The following ITPR2 variants were observed in gnomAD, a reference collection of about 807,000 sequenced individuals.
ITPR2 encodes the protein inositol 1,4,5-trisphosphate receptor type 2, also known as inositol 1,4,5-trisphosphate-gated calcium channel ITPR2.
A neutral mutation model predicts 317.1 loss-of-function variants in ITPR2; 207 were observed. The observed-to-expected ratio is 0.65, with a 90% CI of 0.58 to 0.73. The LOEUF (loss-of-function observed/expected upper bound fraction) is 0.73. Among genes scored for constraint, ITPR2 ranks in the 30% least tolerant of loss-of-function variants. ITPR2 has a pLI of 0.00. For missense variants in ITPR2, 2,613 were observed against 3,284.0 expected (o/e 0.80, Z 4.99); for synonymous variants, 1,156 against 1,149.1 (o/e 1.01, Z -0.12).
At chr12:26,758,778 G>A (rs1024112569) in intron 2 of ITPR2, among the ~76,000 whole-genome samples, 1 of 152,206 alleles carries the variant, frequency 6.6e-6, no homozygotes, top group African/African-American at 2.4e-5. Context: ...TATATGGATG[G>A]CAGAAGAATT....
At chr12:26,584,220 T>C (rs1254451593) in intron 32 of ITPR2, among the ~76,000 whole-genome samples, 1 of 152,140 alleles carries the variant, frequency 6.6e-6, no homozygotes, top group East Asian at 1.9e-4. Flanking sequence ...TCCTGTTTAT[T>C]TAAACAGCTT....
intron 1 of ITPR2, among the ~76,000 whole-genome samples, chr12:26,815,303 G>A (rs1950832426): frequency 1.3e-5 from 2 of 152,134 alleles, no homozygotes; most frequent in South Asian, 4.1e-4. Context: ...CTGCACTCTA[G>A]CCTGGGTGAC....
intron 37 of ITPR2, among the ~76,000 whole-genome samples, chr12:26,499,640 T>C (rs1416580930): frequency 5.3e-5 from 8 of 152,230 alleles, no homozygotes; most frequent in Non-Finnish European, 7.3e-5. Flanking sequence ...CTAGTATTAA[T>C]ATTATCCAGA....
intron 37 of ITPR2, among the ~76,000 whole-genome samples, chr12:26,496,804 C>T (rs1225909367): frequency 6.6e-6 from 1 of 151,682 alleles, no homozygotes; most frequent in South Asian, 2.1e-4. Context: ...ATTAGCCAGG[C>T]GTGGTGGTGG....
At chr12:26,830,026 C>T (rs1308540729) in intron 1 of ITPR2, among the ~76,000 whole-genome samples, 1 of 152,228 alleles carries the variant, frequency 6.6e-6, no homozygotes, top group Non-Finnish European at 1.5e-5. Context: ...GCCTCAGCCT[C>T]CCGAGTAGCT....
chr12:26,611,121 C>T (rs1310418826), intron 26 of ITPR2, among the ~76,000 whole-genome samples: 3 of 152,198 alleles, frequency 2.0e-5, no homozygotes, highest in African/African-American at 4.8e-5. Context: ...AGGAATCTTT[C>T]GAACACTAGC....
At chr12:26,396,581 C>G (rs2136643925) in intron 54 of ITPR2, among the ~76,000 whole-genome samples, 1 of 152,250 alleles carries the variant, frequency 6.6e-6, no homozygotes, top group African/African-American at 2.4e-5. Flanking sequence ...AAAGCTGGGG[C>G]TTTCCACTTG....
In ITPR2 at chr12:26,398,864, C is replaced by CCGAA. The variant is rs1328285820; in HGVS notation, c.7696+8_7696+11dup. On this transcript the variant is annotated intron_variant, in intron 54 of 56. Transcript: ENST00000381340. The stretch of plus-strand genomic sequence containing the variant: ...TATTCATCTATTATTTTAGCATCTG[C>CCGAA]CGAACACTTACCACAGATGAAACAA... The CCGAA allele has an allele frequency of 1.9e-6, 3 of 1,603,512 alleles. No individual in the cohort carries two copies. The highest frequency in any genetic ancestry group is 2.6e-6 in the Non-Finnish European group (3 of 1,176,188).
chr12:26,721,507 G>A (rs1948839788), intron 5 of ITPR2, among the ~76,000 whole-genome samples: 1 of 152,124 alleles, frequency 6.6e-6, no homozygotes, highest in Non-Finnish European at 1.5e-5. Context: ...TCGAATTCAT[G>A]TTAATTTTTT....
intron 35 of ITPR2, among the ~76,000 whole-genome samples, chr12:26,558,119 C>A (rs1944713352): frequency 6.6e-6 from 1 of 151,810 alleles, no homozygotes; most frequent in South Asian, 2.1e-4. Context: ...TTAAAAGAGA[C>A]TAATGGGAAC....
At chr12:26,425,864 G>A (rs1409305574) in intron 49 of ITPR2, among the ~76,000 whole-genome samples, 2 of 152,164 alleles carry the variant, frequency 1.3e-5, no homozygotes, top group Non-Finnish European at 2.9e-5. Context: ...CTTCTATGAA[G>A]AGTCATTTGC....
chr12:26,341,321 G>A (rs1223125625), intron 55 of ITPR2, among the ~76,000 whole-genome samples: 1 of 152,156 alleles, frequency 6.6e-6, no homozygotes, highest in East Asian at 1.9e-4. Flanking sequence ...CCCTAGCAGT[G>A]AGCATCATGC....
chr12:26,363,134 C>A (rs987110196), intron 55 of ITPR2, among the ~76,000 whole-genome samples: 27 of 152,160 alleles, frequency 1.8e-4, no homozygotes, highest in African/African-American at 6.0e-4. Context: ...CCTGCATTAC[C>A]GCCTGAGCTC....
chr12:26,680,288 C>A (rs1484077991), intron 13 of ITPR2, among the ~76,000 whole-genome samples: 1 of 152,028 alleles, frequency 6.6e-6, no homozygotes, highest in Non-Finnish European at 1.5e-5. Context: ...TCTGTATATA[C>A]ATATGGGTAT....
At chr12:26,607,355 A>G (rs1402141579) in intron 26 of ITPR2, among the ~76,000 whole-genome samples, 12 of 152,344 alleles carry the variant, frequency 7.9e-5, no homozygotes, top group African/African-American at 2.9e-4. Context: ...TGATTCGCCA[A>G]TCAGATTATA....
At chr12:26,786,761 A>G (rs1273245767) in intron 2 of ITPR2, among the ~76,000 whole-genome samples, 1 of 152,250 alleles carries the variant, frequency 6.6e-6, no homozygotes, top group Admixed American at 6.5e-5. Flanking sequence ...CTAAAATGTT[A>G]TGATTCACTT....
intron 1 of ITPR2, chr12:26,801,312 C>T (rs531929410): frequency 2.0e-4 from 35 of 171,928 alleles, no homozygotes; most frequent in African/African-American, 7.5e-4. Flanking sequence ...AATTTGTTGG[C>T]AAATGATCCC....
Position 26,702,478 on chromosome 12 carries a change from G to A in ITPR2, c.952-6828C>T, listed in dbSNP as rs1226426616. On this transcript the variant is annotated intron_variant, in intron 9 of 56. Coordinates refer to ENST00000381340, the MANE Select transcript of ITPR2 (RefSeq NM_002223.4). ...TTTTGAGACAGACTCTCACTCTGTC[G>A]CCCAGGCTGTAGTGCAGTGGTGCGA... Among the ~76,000 whole-genome samples, 15 of 142,990 alleles carry A rather than the reference G, an allele frequency of 1.0e-4. 1 individual carries two copies. In the East Asian group the frequency reaches 1.9e-3, roughly 18 times the overall value. 93.8% of individuals were successfully genotyped at this position (142,990 alleles called of 152,430 possible).
chr12:26,599,684 T>A (rs540637192), intron 29 of ITPR2, among the ~76,000 whole-genome samples: 2 of 152,318 alleles, frequency 1.3e-5, no homozygotes, highest in South Asian at 4.1e-4. Context: ...CTCTGAGTTT[T>A]CCATATTTAC....
Sources: allele counts gnomAD v4.1 joint callset (sites outside exome capture counted in the v4.1 genomes callset), GRCh38; gene constraint gnomAD v4.1.1; transcripts MANE v1.5; gene names NCBI Gene and HGNC (gene_info 2026-07-23, HGNC 2026-07-21).